Variants in NOL4 observed in about 807,000 individuals in gnomAD.
NOL4 encodes cancer/testis antigen 125.
A neutral mutation model predicts 75.9 loss-of-function variants in NOL4; 17 were observed. The ratio of observed to expected loss-of-function variants is 0.22; its 90% confidence interval spans 0.15 to 0.34. NOL4 has a LOEUF of 0.34. Among genes scored for constraint, NOL4 ranks in the 10% least tolerant of loss-of-function variants. The pLI, the probability that NOL4 is intolerant of heterozygous loss-of-function variation, is 1.00. For missense variants in NOL4, 614 were observed against 793.5 expected, an observed-to-expected ratio of 0.77 and a Z score of 2.72; for synonymous variants, 292 against 289.9, an observed-to-expected ratio of 1.01 and a Z score of -0.07.
intron 5 of NOL4, among the ~76,000 whole-genome samples, chr18:34,058,615 G>A (rs1237330514): frequency 6.6e-6 from 1 of 152,068 alleles, no homozygotes; most frequent in Non-Finnish European, 1.5e-5. Context: ...GCAAGCACCT[G>A]TCATATTCCA....
At chr18:34,192,636 A>G (rs1348590717) in intron 1 of NOL4, among the ~76,000 whole-genome samples, 2 of 152,226 alleles carry the variant, frequency 1.3e-5, no homozygotes, top group East Asian at 3.9e-4. Context: ...AATAAATGGT[A>G]TTGGGACAAC....
intron 4 of NOL4, among the ~76,000 whole-genome samples, chr18:34,100,239 T>C (rs1254646921): frequency 6.6e-6 from 1 of 152,146 alleles, no homozygotes; most frequent in Admixed American, 6.6e-5. Context: ...CTTCCTCTTT[T>C]CTAAATCATT....
At chr18:34,208,435 A>C (rs1300284189) in intron 1 of NOL4, among the ~76,000 whole-genome samples, 1 of 151,926 alleles carries the variant, frequency 6.6e-6, no homozygotes, top group Non-Finnish European at 1.5e-5. Context: ...CTAGATGACA[A>C]GAAAAAGATT....
At chr18:34,206,820 T>C (rs985613292) in intron 1 of NOL4, among the ~76,000 whole-genome samples, 1 of 152,110 alleles carries the variant, frequency 6.6e-6, no homozygotes, top group African/African-American at 2.4e-5. Flanking sequence ...AATTCCTTTG[T>C]TTTCTCCTTC....
At chr18:34,222,344 G>C (rs76019081) in intron 1 of NOL4, 86,620 of 1,259,256 alleles carry the variant, frequency 0.069, 3,398 homozygotes, top group Non-Finnish European at 0.079. Flanking sequence ...GGAAGGGAAT[G>C]GGGGGGCGGG....
At chr18:33,933,852 C>T (rs968896063) in intron 9 of NOL4, among the ~76,000 whole-genome samples, 24 of 152,214 alleles carry the variant, frequency 1.6e-4, no homozygotes, top group African/African-American at 5.1e-4. Context: ...ATTTTGACCT[C>T]CTCCCATGAA....
intron 9 of NOL4, among the ~76,000 whole-genome samples, chr18:33,908,077 G>T (rs2066170952): frequency 6.6e-6 from 1 of 152,100 alleles, no homozygotes; most frequent in Non-Finnish European, 1.5e-5. Context: ...TGTCACAAAT[G>T]GTTCTACGGG....
At chr18:34,077,902 C>CA (rs2077822057) in intron 5 of NOL4, among the ~76,000 whole-genome samples, 1 of 152,108 alleles carries the variant, frequency 6.6e-6, no homozygotes, top group Admixed American at 6.6e-5. Context: ...GTAACCTACT[C>CA]ATGTAGGTTG....
intron 10 of NOL4, among the ~76,000 whole-genome samples, chr18:33,870,263 G>T (rs1481959407): frequency 1.3e-5 from 2 of 151,986 alleles, no homozygotes; most frequent in Non-Finnish European, 2.9e-5. Context: ...GATGCTGCAT[G>T]ATCTCACTCA....
At chr18:34,107,172 C>G (rs1032612250) in intron 2 of NOL4, among the ~76,000 whole-genome samples, 13 of 152,060 alleles carry the variant, frequency 8.5e-5, no homozygotes, top group Non-Finnish European at 1.9e-4. Flanking sequence ...TTATCATTGA[C>G]CTGAATCAAT....
chr18:33,938,232 A>C (rs898071036), intron 9 of NOL4, among the ~76,000 whole-genome samples: 1 of 152,084 alleles, frequency 6.6e-6, no homozygotes, highest in African/African-American at 2.4e-5. Context: ...ATCCTTTCTC[A>C]TGGGGTTGTT....
intron 5 of NOL4, among the ~76,000 whole-genome samples, chr18:34,046,426 G>A (rs977096185): frequency 6.6e-6 from 1 of 151,684 alleles, no homozygotes; most frequent in Non-Finnish European, 1.5e-5. Flanking sequence ...GCCAGCATTT[G>A]TGTCTAGGTC....
chr18:33,867,435 G>C (rs542650071), intron 10 of NOL4, among the ~76,000 whole-genome samples: 1 of 152,134 alleles, frequency 6.6e-6, no homozygotes, highest in South Asian at 2.1e-4. Flanking sequence ...CAAATGTACA[G>C]ATAAATTTTA....
chr18:34,152,841 A>G (rs2081710463), intron 1 of NOL4, among the ~76,000 whole-genome samples: 5 of 152,064 alleles, frequency 3.3e-5, no homozygotes. Context: ...CTTAGACAAA[A>G]GAAAATTGCT....
intron 1 of NOL4, among the ~76,000 whole-genome samples, chr18:34,207,483 G>A (rs971864019): frequency 1.3e-5 from 2 of 152,104 alleles, no homozygotes; most frequent in Non-Finnish European, 2.9e-5. Flanking sequence ...GCAACTCAGA[G>A]GTCAGTCTTA....
At chr18:34,211,905 G>A (rs1386744159) in intron 1 of NOL4, among the ~76,000 whole-genome samples, 2 of 152,046 alleles carry the variant, frequency 1.3e-5, no homozygotes, top group East Asian at 1.9e-4. Flanking sequence ...TTCCCCAAAT[G>A]TTAGGTAGAT....
intron 5 of NOL4, among the ~76,000 whole-genome samples, chr18:34,039,162 C>T (rs1004838063): frequency 4.6e-5 from 7 of 151,892 alleles, no homozygotes; most frequent in Non-Finnish European, 8.8e-5. Context: ...TCTTTTCCCT[C>T]GTCTTATTGT....
At chr18:34,000,227 T>C (rs144866662) in intron 6 of NOL4, among the ~76,000 whole-genome samples, 235 of 152,218 alleles carry the variant, frequency 1.5e-3, no homozygotes, top group Non-Finnish European at 3.0e-3. Flanking sequence ...GATAATGTGG[T>C]CCGTACAGTC....
chr18:33,980,518 T>C (rs2071866484), intron 6 of NOL4, among the ~76,000 whole-genome samples: 1 of 151,978 alleles, frequency 6.6e-6, no homozygotes, highest in Non-Finnish European at 1.5e-5. Flanking sequence ...TGCTGTGGTT[T>C]TATTAGAGTC....
Sources: gnomAD v4.1 joint callset for allele counts (sites outside exome capture counted in the v4.1 genomes callset) on GRCh38, gnomAD v4.1.1 for gene constraint, MANE v1.5 for transcripts, NCBI Gene and HGNC (gene_info 2026-07-23, HGNC 2026-07-21) for gene names.